Variants in PIK3C2G observed in about 807,000 individuals in gnomAD.
The protein encoded by PIK3C2G is phosphatidylinositol 3-kinase C2 domain-containing subunit gamma.
A neutral mutation model predicts 181.1 loss-of-function variants in PIK3C2G; 168 were observed. That is an observed-to-expected ratio of 0.93 (90% CI 0.82 to 1.05). The LOEUF (loss-of-function observed/expected upper bound fraction) is 1.05, where lower values mean the gene tolerates loss of function less well. Ranked by LOEUF, PIK3C2G falls within the 50% of genes least tolerant of loss-of-function variation. PIK3C2G has a pLI of 0.00. For synonymous variants in PIK3C2G, 573 were observed against 592.2 expected (o/e 0.97, Z 0.47); for missense variants, 1,869 against 1,732.8 (o/e 1.08, Z -1.40).
the PIK3C2G span, among the ~76,000 whole-genome samples, chr12:18,665,653 C>T: frequency 6.6e-6 from 1 of 151,876 alleles, no homozygotes; most frequent in Non-Finnish European, 1.5e-5. Flanking sequence ...ATTAGCCTGG[C>T]GGTCTGGACG....
chr12:18,538,275 G>T lies in PIK3C2G; in HGVS notation c.3443G>T (p.Arg1148Ile). 6.2e-7 allele frequency: 1 copy of T among 1,611,218 alleles called. No individual in the cohort carries two copies. The highest frequency in any genetic ancestry group is 8.5e-7 in the Non-Finnish European group (1 of 1,178,752). Residue 1148 changes from arginine (R) to isoleucine (I), a missense_variant, in exon 25 of 33, where the codon AGA (arginine) becomes ATA (isoleucine). Coordinates refer to ENST00000538779, the MANE Select transcript of PIK3C2G (RefSeq NM_001288772.2). ...TGCTGTCGTGCTTATAATATTATCAGAAAGCACAGCCAACTGCTCTTGAAC... is the reference window on the plus strand; with the variant it reads ...TGCTGTCGTGCTTATAATATTATCATAAAGCACAGCCAACTGCTCTTGAAC... ...ELCCRAYNII[R>I]KHSQLLLNLL...
At chr12:18,520,002 T>TAAA (rs889312316) in intron 24 of PIK3C2G, among the ~76,000 whole-genome samples, 163 of 46,024 alleles carry the variant, frequency 3.5e-3, no homozygotes, top group Non-Finnish European at 4.2e-3. Context: ...CAATAAATAC[T>TAAA]AAAAAAAAAA....
At chr12:18,659,527 G>A in the PIK3C2G span, among the ~76,000 whole-genome samples, 1 of 152,012 alleles carries the variant, frequency 6.6e-6, no homozygotes, top group Non-Finnish European at 1.5e-5. Flanking sequence ...ATCATTTAAT[G>A]CATAGACTTC....
the PIK3C2G span, among the ~76,000 whole-genome samples, chr12:18,703,307 G>T: frequency 6.6e-6 from 1 of 151,994 alleles, no homozygotes; most frequent in Non-Finnish European, 1.5e-5. Flanking sequence ...AGCCCTATAT[G>T]TCTTGTCACT....
intron 26 of PIK3C2G, among the ~76,000 whole-genome samples, chr12:18,561,683 A>G (rs1945353217): frequency 6.6e-6 from 1 of 152,086 alleles, no homozygotes; most frequent in Admixed American, 6.5e-5. Context: ...AAATAAAAAA[A>G]GAAGAGGTAA....
chr12:18,492,745 TTTTG>T (rs575725218), intron 20 of PIK3C2G, among the ~76,000 whole-genome samples: 72 of 152,250 alleles, frequency 4.7e-4, no homozygotes, highest in African/African-American at 1.7e-3. Context: ...AGAAGAGTGT[TTTTG>T]TTTTTGTTTT....
chr12:18,652,442 C>T (rs1360077507), downstream of PIK3C2G, among the ~76,000 whole-genome samples: 1 of 152,082 alleles, frequency 6.6e-6, no homozygotes, highest in Non-Finnish European at 1.5e-5. Flanking sequence ...GAGATTCTTC[C>T]CCACAGCTCT....
chr12:18,366,017 C>A (rs1224896987), intron 12 of PIK3C2G, among the ~76,000 whole-genome samples: 6 of 152,182 alleles, frequency 3.9e-5, no homozygotes, highest in Non-Finnish European at 7.3e-5. Context: ...CATCTCTCCT[C>A]TCTATACCAC....
rs748081670 is a variant in PIK3C2G, at chr12:18,488,559, A to G, written c.2615A>G (p.Glu872Gly). Residue 872 changes from glutamate to glycine, a missense_variant, in exon 19 of 33, where the codon GAG becomes GGG. Physicochemically the swap from Glu to Gly is moderately conservative, Grantham distance 98. Transcript: ENST00000538779. ...GKALNDEFSK[E>G]QKLIKILGDI... ...GCCTTGAATGATGAGTTTTCCAAGG[A>G]GCAGAAACTTATCAAAATTCTGGGA... 2 of 1,582,740 alleles carry G rather than the reference A, an allele frequency of 1.3e-6. No individual in the cohort carries two copies. Among genetic ancestry groups the G allele is most frequent in the Non-Finnish European group, 8.6e-7 (1 of 1,163,802 alleles).
intron 29 of PIK3C2G, among the ~76,000 whole-genome samples, chr12:18,568,653 A>G (rs943040690): frequency 3.9e-5 from 6 of 152,134 alleles, no homozygotes; most frequent in African/African-American, 1.4e-4. Context: ...GTTTTACTCA[A>G]ACTCTGCCAA....
At chr12:18,643,160 T>C (rs571211560) in intron 32 of PIK3C2G, among the ~76,000 whole-genome samples, 1 of 152,260 alleles carries the variant, frequency 6.6e-6, no homozygotes, top group Admixed American at 6.5e-5. Context: ...AGTAGTAAAT[T>C]ATATTCATGG....
intron 16 of PIK3C2G, among the ~76,000 whole-genome samples, chr12:18,415,974 G>A (rs574930486): frequency 2.0e-5 from 3 of 152,296 alleles, no homozygotes; most frequent in African/African-American, 2.4e-5. Context: ...CCGGGCGGGC[G>A]CAGTGGCTTA....
At chr12:18,550,114 A>G (rs936085803) in intron 26 of PIK3C2G, among the ~76,000 whole-genome samples, 2 of 152,072 alleles carry the variant, frequency 1.3e-5, no homozygotes, top group African/African-American at 4.8e-5. Context: ...GCATATATAC[A>G]TCAAGCACTG....
At chr12:18,258,310 T>G (rs973621924), upstream of PIK3C2G, among the ~76,000 whole-genome samples, 1 of 152,094 alleles carries the variant, frequency 6.6e-6, no homozygotes, top group East Asian at 1.9e-4. Flanking sequence ...ACTTAAAATC[T>G]GTCTTACAAA....
At chr12:18,651,695 T>C (rs552480749), downstream of PIK3C2G, among the ~76,000 whole-genome samples, 2 of 152,158 alleles carry the variant, frequency 1.3e-5, no homozygotes, top group Non-Finnish European at 2.9e-5. Flanking sequence ...GCCTTTTCTC[T>C]AGATCCATTC....
chr12:18,412,922 G>T (rs77899746), intron 16 of PIK3C2G, among the ~76,000 whole-genome samples: 1 of 152,018 alleles, frequency 6.6e-6, no homozygotes, highest in South Asian at 2.1e-4. Context: ...TCCTTTGCTT[G>T]GCCCTCCATT....
At chr12:18,532,422 C>CT (rs995394374) in intron 24 of PIK3C2G, among the ~76,000 whole-genome samples, 5 of 151,864 alleles carry the variant, frequency 3.3e-5, no homozygotes, top group Admixed American at 1.3e-4. Context: ...AGACTTTCTC[C>CT]TTTTTTTTCC....
intron 11 of PIK3C2G, among the ~76,000 whole-genome samples, chr12:18,347,513 A>G (rs1477246267): frequency 6.6e-6 from 1 of 152,198 alleles, no homozygotes; most frequent in Admixed American, 6.5e-5. Context: ...TAATTTCAGT[A>G]AACATTCAAC....
At chr12:18,281,647 A>G (rs963237936) in intron 1 of PIK3C2G, among the ~76,000 whole-genome samples, 13 of 152,058 alleles carry the variant, frequency 8.5e-5, no homozygotes, top group Admixed American at 4.6e-4. Context: ...CTAATATGAA[A>G]GAGACTTTAG....
Sources: gnomAD v4.1 joint callset for allele counts (sites outside exome capture counted in the v4.1 genomes callset) on GRCh38, gnomAD v4.1.1 for gene constraint, MANE v1.5 for transcripts, NCBI Gene and HGNC (gene_info 2026-07-23, HGNC 2026-07-21) for gene names.